The following TTC28 variants were observed in gnomAD, a reference collection of about 807,000 sequenced individuals.
TTC28 encodes tetratricopeptide repeat domain 28.
TTC28 carries 61 observed loss-of-function variants against 198.0 expected under a neutral mutation model. The ratio of observed to expected loss-of-function variants is 0.31; its 90% confidence interval spans 0.25 to 0.38. TTC28 has a LOEUF of 0.38. Among genes scored for constraint, TTC28 ranks in the 10% least tolerant of loss-of-function variants. The pLI is 1.00. For synonymous variants in TTC28, 1,171 were observed against 1,297.8 expected (o/e 0.90, Z 2.10); for missense variants, 2,678 against 3,164.0 (o/e 0.85, Z 3.69).
At chr22:28,662,869 A>C (rs1483255002) in intron 1 of TTC28, among the ~76,000 whole-genome samples, 2 of 152,200 alleles carry the variant, frequency 1.3e-5, no homozygotes, top group African/African-American at 2.4e-5. Flanking sequence ...AATGACAGGG[A>C]TCCAAGACAA....
intron 14 of TTC28, chr22:28,006,982 CAG>C (rs757381732): frequency 1.1e-4 from 17 of 152,128 alleles, no homozygotes; most frequent in Non-Finnish European, 2.1e-4. Flanking sequence ...GCAGGCCTCT[CAG>C]GGATTCACAG....
chr22:28,465,975 G>A (rs2048014054), intron 2 of TTC28, among the ~76,000 whole-genome samples: 1 of 152,164 alleles, frequency 6.6e-6, no homozygotes, highest in African/African-American at 2.4e-5. Context: ...TGATACTTCT[G>A]CTTATATCCC....
intron 2 of TTC28, among the ~76,000 whole-genome samples, chr22:28,468,420 C>T (rs1700453920): frequency 1.3e-5 from 2 of 152,162 alleles, no homozygotes. Flanking sequence ...ACACAAGAAT[C>T]TCATTCTCTA....
intron 5 of TTC28, among the ~76,000 whole-genome samples, chr22:28,293,971 T>C (rs1254161086): frequency 2.6e-5 from 4 of 152,170 alleles, no homozygotes; most frequent in Non-Finnish European, 5.9e-5. Context: ...AGAAGTTGAT[T>C]ATTAAAGTCT....
intron 2 of TTC28, among the ~76,000 whole-genome samples, chr22:28,585,952 T>G (rs1361910943): frequency 6.6e-6 from 1 of 151,226 alleles, no homozygotes; most frequent in Non-Finnish European, 1.5e-5. Flanking sequence ...GTTCTGCACA[T>G]GTATCCCTGA....
intron 5 of TTC28, among the ~76,000 whole-genome samples, chr22:28,192,228 C>T (rs1164942516): frequency 6.6e-6 from 1 of 152,120 alleles, no homozygotes; most frequent in African/African-American, 2.4e-5. Context: ...AGCTGAGGGT[C>T]CTGACTGTCA....
At chr22:28,221,352 A>AT (rs1336578200) in intron 5 of TTC28, among the ~76,000 whole-genome samples, 7 of 152,224 alleles carry the variant, frequency 4.6e-5, no homozygotes, top group African/African-American at 1.7e-4. Flanking sequence ...AGTTTAGGGT[A>AT]GCAAGACTAA....
At chr22:28,182,959 C>T (rs1923846824) in intron 5 of TTC28, among the ~76,000 whole-genome samples, 1 of 152,024 alleles carries the variant, frequency 6.6e-6, no homozygotes, top group African/African-American at 2.4e-5. Flanking sequence ...ATCTACTTTT[C>T]TCCTCAAGCA....
chr22:28,321,142 G>A (rs766206257), intron 2 of TTC28, among the ~76,000 whole-genome samples: 1 of 152,184 alleles, frequency 6.6e-6, no homozygotes, highest in Non-Finnish European at 1.5e-5. Flanking sequence ...GGCATTGGCT[G>A]AGAAGCTTGC....
chr22:28,179,979 G>GAATACCGTTTTAA (rs1923546459), intron 5 of TTC28, among the ~76,000 whole-genome samples: 1 of 152,116 alleles, frequency 6.6e-6, no homozygotes, highest in South Asian at 2.1e-4. Context: ...TCTAAAATCA[G>GAATACCGTTTTAA]AGATTTAGCT....
intron 2 of TTC28, among the ~76,000 whole-genome samples, chr22:28,531,554 C>T (rs964201207): frequency 1.2e-4 from 19 of 152,150 alleles, no homozygotes; most frequent in African/African-American, 3.6e-4. Context: ...CAGCACCAAG[C>T]GGATCTAATA....
At chr22:28,646,037 G>C (rs28818228) in intron 1 of TTC28, among the ~76,000 whole-genome samples, 2 of 151,950 alleles carry the variant, frequency 1.3e-5, no homozygotes, top group Non-Finnish European at 2.9e-5. Context: ...ATTTTCACCA[G>C]TTCTATTCAA....
intron 3 of TTC28, among the ~76,000 whole-genome samples, chr22:28,302,952 A>G (rs1465241561): frequency 1.3e-5 from 2 of 152,202 alleles, no homozygotes; most frequent in African/African-American, 4.8e-5. Flanking sequence ...GTGAGCCCCA[A>G]CTTGACCCTG....
At chr22:28,049,979 A>G (rs1940022353) in intron 12 of TTC28, among the ~76,000 whole-genome samples, 1 of 152,132 alleles carries the variant, frequency 6.6e-6, no homozygotes, top group African/African-American at 2.4e-5. Flanking sequence ...CAGAGTTGAG[A>G]CACATTATTA....
chr22:28,305,227 G>A (rs1485141175), intron 3 of TTC28, among the ~76,000 whole-genome samples: 1 of 151,992 alleles, frequency 6.6e-6, no homozygotes, highest in Admixed American at 6.6e-5. Flanking sequence ...TCCTGACCTC[G>A]TGATCTGCCC....
chr22:28,558,992 G>A (rs1236607359), intron 2 of TTC28, among the ~76,000 whole-genome samples: 6 of 145,358 alleles, frequency 4.1e-5, no homozygotes, highest in South Asian at 2.2e-4. Flanking sequence ...CCGAGATCAC[G>A]CCACTGCACT....
At chr22:28,285,902 A>G (rs1407202746) in intron 5 of TTC28, among the ~76,000 whole-genome samples, 3 of 152,178 alleles carry the variant, frequency 2.0e-5, no homozygotes, top group Non-Finnish European at 1.5e-5. Context: ...CTGAATTTCA[A>G]CAGTGGATGA....
intron 6 of TTC28, among the ~76,000 whole-genome samples, chr22:28,143,513 G>C (rs1943389339): frequency 6.6e-6 from 1 of 152,298 alleles, no homozygotes; most frequent in South Asian, 2.1e-4. Flanking sequence ...AATAATGAAT[G>C]TGAGAATAAA....
chr22:28,182,599 C>G (rs1923802835), intron 5 of TTC28, among the ~76,000 whole-genome samples: 1 of 152,176 alleles, frequency 6.6e-6, no homozygotes, highest in South Asian at 2.1e-4. Flanking sequence ...CTAAGAACTT[C>G]TGGCTTCCAT....
Sources: gnomAD v4.1 joint callset for allele counts (sites outside exome capture counted in the v4.1 genomes callset) on GRCh38, gnomAD v4.1.1 for gene constraint, MANE v1.5 for transcripts, NCBI Gene and HGNC (gene_info 2026-07-23, HGNC 2026-07-21) for gene names.